Variants in NFASC observed in about 807,000 individuals in gnomAD.
NFASC encodes neurofascin, also known as neurofascin homolog.
In NFASC, 43 loss-of-function variants were observed where a neutral mutation model predicts 147.5. The ratio of observed to expected loss-of-function variants is 0.29; its 90% confidence interval spans 0.23 to 0.38. NFASC has a LOEUF of 0.38. Ranked by LOEUF, NFASC falls within the 10% of genes least tolerant of loss-of-function variation. The pLI is 1.00. For missense variants in NFASC, 1,320 were observed against 1,689.0 expected (o/e 0.78, Z 3.83); for synonymous variants, 622 against 665.5 (o/e 0.93, Z 1.01).
At chr1:204,980,525 G>A (rs989348363) in intron 20 of NFASC, 85 bp downstream of exon 20, 8 of 1,011,098 alleles carry the variant, frequency 7.9e-6, no homozygotes, top group East Asian at 5.2e-5. Flanking sequence ...CCGACACTAC[G>A]AGGCCATGAT....
At chr1:205,014,858 G>A (rs924081579) in intron 29 of NFASC, among the ~76,000 whole-genome samples, 9 of 152,156 alleles carry the variant, frequency 5.9e-5, no homozygotes, top group East Asian at 1.9e-4. Context: ...GAGTGCATGC[G>A]AATAAGACCT....
chr1:204,882,333 C>T (rs975884328), intron 1 of NFASC, among the ~76,000 whole-genome samples: 4 of 152,194 alleles, frequency 2.6e-5, no homozygotes, highest in African/African-American at 9.7e-5. Flanking sequence ...ACAGTTCCCC[C>T]TGCTCTGCCG....
At chr1:204,832,443 G>C (rs1672490878) in intron 1 of NFASC, among the ~76,000 whole-genome samples, 1 of 148,230 alleles carries the variant, frequency 6.7e-6, no homozygotes, top group Non-Finnish European at 1.5e-5. Flanking sequence ...TGTGTGAAAG[G>C]ATTTGGCATT....
At chr1:204,920,427 C>CTTTTTTTTTTTTTTTT (rs11381518) in intron 1 of NFASC, among the ~76,000 whole-genome samples, 2 of 119,600 alleles carry the variant, frequency 1.7e-5, no homozygotes, top group Non-Finnish European at 1.7e-5. Flanking sequence ...AGGATCTGTC[C>CTTTTTTTTTTTTTTTT]TTTTTTTTTT....
In NFASC at chr1:204,979,462, C is replaced by T; in HGVS notation, c.2079C>T (p.Ser693=). 3 of 1,614,006 alleles carry T rather than the reference C, an allele frequency of 1.9e-6. No homozygotes were observed. Among genetic ancestry groups the T allele is most frequent in the Non-Finnish European group, 1.7e-6 (2 of 1,179,994 alleles). The part of the protein sequence containing the change: ...GSVNSAVLRL[S]PYVNYQFRVI... ...TTAACTCAGCCGTCCTCCGGCTGTC[C>T]CCGTATGTCAACTACCAGTTCCGTG... The change falls in exon 19 of 30, where the codon TCC becomes TCT. Residue 693 remains serine, a synonymous_variant. Coordinates refer to ENST00000339876, the MANE Select transcript of NFASC (RefSeq NM_001005388.3). The surrounding 1 kb of genome is among the most constrained non-coding windows in gnomAD (Gnocchi z 6.0).
rs373506052 is a variant in NFASC, at chr1:204,897,377, C to T, written c.-199-23255C>T. The stretch of plus-strand genomic sequence containing the variant: ...GATAGCAGAGCAGAGGAGGAAACCC[C>T]GGAGCAAGGCCTTGTAAACCAGGCT... On this transcript the variant is annotated intron_variant, in intron 1 of 29. Transcript: ENST00000339876. 8.1e-4 allele frequency among the ~76,000 whole-genome samples: 123 copies of T among 152,114 alleles called. 1 individual carries two copies. The highest frequency in any genetic ancestry group is 5.0e-3 in the South Asian group (24 of 4,822).
At chr1:204,929,353 G>A (rs773545152) in intron 2 of NFASC, 2 of 152,426 alleles carry the variant, frequency 1.3e-5, no homozygotes, top group Admixed American at 1.3e-4. Context: ...GAGGAGGGAG[G>A]AGGGGGAAGC....
chr1:204,997,494 A>G, intron 25 of NFASC, 88 bp downstream of exon 25: 1 of 1,459,026 alleles, frequency 6.9e-7, no homozygotes, highest in Non-Finnish European at 9.4e-7. Context: ...CCCAGCGAGG[A>G]GGTGGGGTCT....
At chr1:204,857,597 C>G (rs2076269548) in intron 1 of NFASC, among the ~76,000 whole-genome samples, 1 of 152,206 alleles carries the variant, frequency 6.6e-6, no homozygotes, top group Admixed American at 6.5e-5. Flanking sequence ...ATCTCAAAGT[C>G]TGCTGACCCT....
rs2096395520 is a variant in NFASC at position 205,020,788 on chromosome 1, G to A, written c.*4249G>A. On this transcript the variant is annotated 3_prime_UTR_variant, in exon 30 of 30. Coordinates refer to ENST00000339876, the MANE Select transcript of NFASC (RefSeq NM_001005388.3). ...TCCGTCGGCTGGGGCTAGTGCCAGA[G>A]AATCCCTTCTCAGTGGCCAGCAGGT... 1 of 152,202 alleles carries A rather than the reference G, an allele frequency of 6.6e-6. No individual in the cohort carries two copies. The highest frequency in any genetic ancestry group is 1.5e-5 in the Non-Finnish European group (1 of 68,044). The allele number at this position is 152,202 out of a possible 1,614,324, so 9.4% of individuals were successfully genotyped here. A position where few individuals can be genotyped will look rare whatever the true frequency, so the allele number is the denominator to read the frequency against.
intron 12 of NFASC, 118 bp downstream of exon 12, chr1:204,973,537 G>A (rs1412466441): frequency 9.3e-6 from 12 of 1,288,506 alleles, no homozygotes; most frequent in Admixed American, 2.4e-5. Flanking sequence ...AGCTGGGTGA[G>A]GTAAGAGGAT....
intron 28 of NFASC, among the ~76,000 whole-genome samples, chr1:205,011,822 G>A (rs1173945677): frequency 6.6e-6 from 1 of 151,946 alleles, no homozygotes; most frequent in Non-Finnish European, 1.5e-5. Flanking sequence ...GCTCACGCCT[G>A]TAATCCCAGC....
intron 1 of NFASC, among the ~76,000 whole-genome samples, chr1:204,877,033 ATATT>A (rs2079063817): frequency 7.3e-5 from 7 of 95,790 alleles, no homozygotes; most frequent in African/African-American, 4.6e-4. Context: ...TATATAATAT[ATATT>A]TATATATATA....
At chr1:204,931,955 A>G (rs536302120) in intron 2 of NFASC, among the ~76,000 whole-genome samples, 1 of 152,226 alleles carries the variant, frequency 6.6e-6, no homozygotes, top group Non-Finnish European at 1.5e-5. Flanking sequence ...TCTCACTCTG[A>G]CCAGGGCCAC....
chr1:204,988,912 G>C (rs1399460819), intron 23 of NFASC, 106 bp downstream of exon 23: 3 of 1,084,894 alleles, frequency 2.8e-6, no homozygotes, highest in South Asian at 2.6e-5. Context: ...GAGGAAATGA[G>C]ACTTGCAAGT....
At chr1:204,951,169 T>A (rs958789793) in intron 4 of NFASC, among the ~76,000 whole-genome samples, 10 of 144,412 alleles carry the variant, frequency 6.9e-5, no homozygotes, top group East Asian at 3.9e-4. Context: ...TTTTTTTTTT[T>A]ATGGAGTCTC....
chr1:204,962,205 C>G, intron 8 of NFASC: 1 of 1,516,546 alleles, frequency 6.6e-7, no homozygotes, highest in East Asian at 2.3e-5. Context: ...TGTGCTAACC[C>G]CAGTTTGCCT....
intron 2 of NFASC, among the ~76,000 whole-genome samples, chr1:204,942,992 G>C (rs755732911): frequency 1.3e-5 from 2 of 152,204 alleles, no homozygotes; most frequent in African/African-American, 2.4e-5. Flanking sequence ...AGGCACTGGA[G>C]TCCTGTTCTT....
intron 28 of NFASC, 40 bp downstream of exon 28, chr1:205,009,728 C>G: frequency 1.3e-6 from 2 of 1,597,990 alleles, no homozygotes; most frequent in Middle Eastern, 1.7e-4. Context: ...GGGTGGGGCA[C>G]GTCCACTTTC....
Sources: gnomAD v4.1 joint callset for allele counts (sites outside exome capture counted in the v4.1 genomes callset) on GRCh38, gnomAD v4.1.1 for gene constraint, Gnocchi (gnomAD v3.1) non-coding constraint, MANE v1.5 for transcripts, NCBI Gene and HGNC (gene_info 2026-07-23, HGNC 2026-07-21) for gene names.